LMTK3: variants seen among roughly 807,000 people sequenced by gnomAD.
LMTK3 encodes serine/threonine-protein kinase LMTK3.
Under a neutral mutation model 116.7 loss-of-function variants are expected in LMTK3, and 27 were observed. The ratio of observed to expected loss-of-function variants is 0.23; its 90% confidence interval spans 0.17 to 0.32. The LOEUF is 0.32. Among genes scored for constraint, LMTK3 ranks in the 10% least tolerant of loss-of-function variants. The probability of loss-of-function intolerance (pLI) is 1.00; values close to 1 mark genes in which losing one functional copy is unlikely to be tolerated. For synonymous variants in LMTK3, 965 were observed against 971.0 expected, an observed-to-expected ratio of 0.99 and a Z score of 0.11; for missense variants, 1,764 against 2,068.5, an observed-to-expected ratio of 0.85 and a Z score of 2.86.
In LMTK3 at chr19:48,499,544, T is replaced by C; in HGVS notation, c.1525A>G (p.Asn509Asp). 3 of 616,646 alleles carry C rather than the reference T, an allele frequency of 4.9e-6. No homozygotes were observed. Among genetic ancestry groups the C allele is most frequent in the Non-Finnish European group, 7.5e-6 (3 of 399,640 alleles). 38.2% of individuals were successfully genotyped at this position (616,646 alleles called of 1,614,324 possible). Residue 509 changes from asparagine to aspartate, a missense_variant, in exon 11 of 15, where the codon AAC (asparagine) becomes GAC (aspartate). By Grantham distance (23) the Asn-to-Asp change is conservative. Coordinates refer to ENST00000600059, the MANE Select transcript of LMTK3 (RefSeq NM_001388485.1). ...PASAPPAPHA[N>D]PSNPFYEALS... ...GCCTCGTAGAAAGGGTTGGAGGGGT[T>C]GGCGTGGGGGGCCGGGGGGGCCGAC... is the stretch of plus-strand genomic sequence containing the variant.
chr19:48,493,375 CGGCCCCGCCCCA>C (rs1194458087), intron 12 of LMTK3, among the ~76,000 whole-genome samples: 75 of 133,336 alleles, frequency 5.6e-4, no homozygotes, highest in Non-Finnish European at 7.1e-4. Context: ...CACTCTAGCT[CGGCCCCGCCCCA>C]GGCCCCGCCC....
At chr19:48,513,418 G>T (rs1281340854), upstream of LMTK3, 4 of 563,244 alleles carry the variant, frequency 7.1e-6, no homozygotes, top group Non-Finnish European at 1.3e-5. This position sits in a 1 kb window ranked among gnomAD's most constrained non-coding sequence, Gnocchi z 5.6. Context: ...GAGTGGCAAA[G>T]CTGGGACTGG....
At position 48,500,387 on chromosome 19, in the gene LMTK3, G is replaced by A. The variant is rs1972441928; in HGVS notation, c.1152-470C>T. On this transcript the variant is annotated intron_variant, in intron 10 of 14. Transcript: ENST00000600059. The surrounding 1 kb of genome is among the most constrained non-coding windows in gnomAD (Gnocchi z 4.0). ...TGCAGTGAGCCAAGATCGTGCCATC[G>A]CACTCCAGCCTGGGCAACAAAAGCA... 6.6e-6 allele frequency among the ~76,000 whole-genome samples: 1 copy of A among 150,856 alleles called. No homozygotes were observed. Among genetic ancestry groups the A allele is most frequent in the Non-Finnish European group, 1.5e-5 (1 of 67,872 alleles).
At chr19:48,502,874 C>G in intron 6 of LMTK3, 35 bp downstream of exon 6, 1 of 1,504,030 alleles carries the variant, frequency 6.6e-7, no homozygotes, top group Non-Finnish European at 9.2e-7. Flanking sequence ...TCCAGCTGCC[C>G]CCTCTGCCCT....
At chr19:48,487,736 G>A (rs545192408) in intron 14 of LMTK3, among the ~76,000 whole-genome samples, 4 of 152,244 alleles carry the variant, frequency 2.6e-5, no homozygotes, top group South Asian at 4.1e-4. Context: ...GCAGGTTCTC[G>A]TTGGGGGCCT....
Position 48,498,862 on chromosome 19 carries a change from AG to A in LMTK3, c.2206del (p.Leu736SerfsTer122). The A allele has an allele frequency of 1.1e-6, 1 of 922,136 alleles. No homozygotes were observed. Among genetic ancestry groups the A allele is most frequent in the Non-Finnish European group, 1.3e-6 (1 of 773,240 alleles). 57.1% of individuals were successfully genotyped at this position (922,136 alleles called of 1,614,324 possible). A position where few individuals can be genotyped will look rare whatever the true frequency, so the allele number is the denominator to read the frequency against. On this transcript the variant is annotated frameshift_variant, in exon 11 of 15. Transcript: ENST00000600059. LOFTEE classifies it high-confidence loss of function. ...GTACTGGGGCGCCGCCGCCCCCATG[AG>A]GGGGTCCAGAAACTCGGGGGGGGCC... ...ASAPPEFLDPLMGAAAPQYPG... is the reference protein window; with the variant it reads ...ASAPPEFLDPXMGAAAPQYPG...
intron 4 of LMTK3, 118 bp downstream of exon 4, chr19:48,509,319 G>T: frequency 1.1e-6 from 1 of 888,340 alleles, no homozygotes. Flanking sequence ...GGAGGCTGAG[G>T]GGGCATGGGG....
At position 48,505,860 on chromosome 19, in the gene LMTK3, T is replaced by TAA. The variant is rs760562019; in HGVS notation, c.558-2866_558-2865dup. The stretch of plus-strand genomic sequence containing the variant: ...TGGGCAACAAGATTGAAACTCTGTC[T>TAA]AAAAAAAAAAAAAAAAAAGTCTGTA... On this transcript the variant is annotated intron_variant, in intron 5 of 14. Transcript: ENST00000600059. 4.9e-3 allele frequency among the ~76,000 whole-genome samples: 458 copies of TAA among 93,168 alleles called. 7 individuals are homozygous for TAA. Among genetic ancestry groups the TAA allele is most frequent in the African/African-American group, 0.018 (434 of 23,894 alleles). The allele number at this position is 93,168 out of a possible 152,430, so 61.1% of individuals were successfully genotyped here.
rs1274340922 is a variant in LMTK3 at position 48,485,587 on chromosome 19, G to A, written c.*186C>T. ...GGGGGGTCAGGGGAGCCATCTGGGG[G>A]GCTGGGGGGCGGGGGCCCGGGGCCT... On this transcript the variant is annotated 3_prime_UTR_variant, in exon 15 of 15. Transcript: ENST00000600059. 6 of 619,480 alleles carry A rather than the reference G, an allele frequency of 9.7e-6. No homozygotes were observed. Among genetic ancestry groups the A allele is most frequent in the Admixed American group, 8.7e-5 (3 of 34,664 alleles). The allele number at this position is 619,480 out of a possible 1,614,324, so 38.4% of individuals were successfully genotyped here.
At chr19:48,506,878 C>G (rs1021389777) in intron 5 of LMTK3, among the ~76,000 whole-genome samples, 1 of 152,166 alleles carries the variant, frequency 6.6e-6, no homozygotes, top group African/African-American at 2.4e-5. Context: ...GTTGGCCAGG[C>G]TGGTCTCGAA....
In LMTK3 at chr19:48,491,268, G is replaced by C. The variant is rs1411303604; in HGVS notation, c.4229-23C>G. On this transcript the variant is annotated intron_variant, in intron 13 of 14. Transcript: ENST00000600059. The surrounding 1 kb of genome is among the most constrained non-coding windows in gnomAD (Gnocchi z 5.1). ...CTCCTGCGGCAGAAGGAAAGACCGC[G>C]GTCAGGCTGCAGACACCTGCGGCAC... 7.2e-7 allele frequency: 1 copy of C among 1,386,236 alleles called. No individual in the cohort carries two copies. The highest frequency in any genetic ancestry group is 9.4e-7 in the Non-Finnish European group (1 of 1,067,458). 85.9% of individuals were successfully genotyped at this position (1,386,236 alleles called of 1,614,324 possible).
At chr19:48,506,188 G>A (rs1972566770) in intron 5 of LMTK3, among the ~76,000 whole-genome samples, 1 of 151,384 alleles carries the variant, frequency 6.6e-6, no homozygotes, top group Admixed American at 6.6e-5. Context: ...AGCCAGGCAT[G>A]GTGGCTATGC....
At chr19:48,510,222 A>G (rs776177480) in intron 2 of LMTK3, 49 bp from the exon 3 acceptor site, 2 of 1,578,072 alleles carry the variant, frequency 1.3e-6, no homozygotes, top group Non-Finnish European at 1.7e-6. Flanking sequence ...GGGCTGAGAG[A>G]CACGCCATCG....
chr19:48,501,149 C>T lies in LMTK3; in HGVS notation c.1002-4G>A. The T allele has an allele frequency of 6.2e-7, 1 of 1,610,698 alleles. No homozygotes were observed. The highest frequency in any genetic ancestry group is 8.5e-7 in the Non-Finnish European group (1 of 1,178,440). On this transcript the variant is annotated splice_region_variant and splice_polypyrimidine_tract_variant and intron_variant, in intron 9 of 14. Transcript: ENST00000600059. ...CCACAGGGTCACCCCCAGGGACCTG[C>T]AGAGAGCAGAGAGAGGTCAGAGCCC...
intron 11 of LMTK3, among the ~76,000 whole-genome samples, chr19:48,496,535 G>T (rs1245569480): frequency 6.6e-6 from 1 of 152,210 alleles, no homozygotes; most frequent in Non-Finnish European, 1.5e-5. Context: ...CTGACCTCAG[G>T]TGATCCGCCC....
At chr19:48,487,723 G>C (rs1972150352) in intron 14 of LMTK3, among the ~76,000 whole-genome samples, 1 of 152,128 alleles carries the variant, frequency 6.6e-6, no homozygotes, top group South Asian at 2.1e-4. Context: ...AGGTCCAGGA[G>C]GTGCAGGTTC....
intron 12 of LMTK3, among the ~76,000 whole-genome samples, chr19:48,493,241 G>A (rs1187366410): frequency 8.8e-6 from 1 of 113,344 alleles, no homozygotes; most frequent in East Asian, 2.5e-4. Flanking sequence ...TGTAGACCCC[G>A]CCCCACCCTA....
At chr19:48,493,673 G>A (rs778681945) in intron 12 of LMTK3, 21 bp downstream of exon 12, 1 of 1,550,622 alleles carries the variant, frequency 6.4e-7, no homozygotes, top group South Asian at 1.2e-5. Flanking sequence ...CCCCGAAACC[G>A]CGCCCTCTCG....
Position 48,485,553 on chromosome 19 carries a change from AGGGGGTCAG to A in LMTK3, c.*211_*219del, listed in dbSNP as rs899029359. The A allele has an allele frequency of 1.8e-4, 74 of 406,686 alleles. No homozygotes were observed. The African/African-American group carries it at 2.4e-3, about 13-fold the overall frequency. 25.2% of individuals were successfully genotyped at this position (406,686 alleles called of 1,614,324 possible). On this transcript the variant is annotated 3_prime_UTR_variant, in exon 15 of 15. Transcript: ENST00000600059. Reference sequence around the variant, plus strand: ...GGGATTCCTGCCTCATTTGGCTCCGAGGGGGTCAGGGGGGTCAGGGGAGCCATCTGGGGG... The same window carrying A: ...GGGATTCCTGCCTCATTTGGCTCCGAGGGGGTCAGGGGAGCCATCTGGGGG...
Sources: gnomAD v4.1 joint callset for allele counts (sites outside exome capture counted in the v4.1 genomes callset) on GRCh38, gnomAD v4.1.1 for gene constraint, Gnocchi (gnomAD v3.1) non-coding constraint, MANE v1.5 for transcripts, NCBI Gene and HGNC (gene_info 2026-07-23, HGNC 2026-07-21) for gene names.